Variants in EPHA7 observed in about 807,000 individuals in gnomAD.
EPHA7 encodes ephrin type-A receptor 7.
In EPHA7, 25 loss-of-function variants were observed where a neutral mutation model predicts 112.6. The observed-to-expected ratio is 0.22, with a 90% CI of 0.16 to 0.31. The LOEUF is 0.31. EPHA7 is among the 10% of genes least tolerant of loss of function. The pLI, the probability that EPHA7 is intolerant of heterozygous loss-of-function variation, is 1.00. For missense variants in EPHA7, 962 were observed against 1,212.6 expected, an observed-to-expected ratio of 0.79 and a Z score of 3.07; for synonymous variants, 437 against 406.5, an observed-to-expected ratio of 1.07 and a Z score of -0.90.
intron 3 of EPHA7, among the ~76,000 whole-genome samples, chr6:93,370,892 TC>T (rs1776756700): frequency 6.7e-6 from 1 of 150,354 alleles, no homozygotes; most frequent in Admixed American, 6.7e-5. Context: ...ACGCCTGTAA[TC>T]CCAGCACTTT....
chr6:93,294,714 T>C (rs1020449861), intron 5 of EPHA7, among the ~76,000 whole-genome samples: 2 of 152,126 alleles, frequency 1.3e-5, no homozygotes, highest in Admixed American at 6.6e-5. Context: ...CTAATATATC[T>C]GTTTATTTTT....
At chr6:93,394,603 G>A (rs1017151974) in intron 3 of EPHA7, among the ~76,000 whole-genome samples, 1 of 151,802 alleles carries the variant, frequency 6.6e-6, no homozygotes, top group South Asian at 2.1e-4. Flanking sequence ...TTACTGATGA[G>A]ATGCTGTCTT....
Position 93,410,745 on chromosome 6 carries a change from A to C in EPHA7, c.588T>G (p.Val196=). The change falls in exon 3 of 17, where the codon GTT becomes GTG. Residue 196 remains valine (V), a synonymous_variant. Transcript: ENST00000369303. The surrounding 1 kb of genome is among the most constrained non-coding windows in gnomAD (Gnocchi z 4.0). ...FQDVGACIAL[V]SVKVYYKKCW... Reference sequence around the variant, plus strand: ...ACTTCTTGTAGTACACTTTGACAGAAACCAAAGCTATGCAAGCCCCTACAT... The same window carrying C: ...ACTTCTTGTAGTACACTTTGACAGACACCAAAGCTATGCAAGCCCCTACAT... 1 of 1,614,042 alleles carries C rather than the reference A, an allele frequency of 6.2e-7. No homozygotes were observed. Among genetic ancestry groups the C allele is most frequent in the Non-Finnish European group, 8.5e-7 (1 of 1,179,954 alleles).
rs773655407 is a variant in EPHA7 at position 93,254,795 on chromosome 6, C to T, written c.2384G>A (p.Gly795Asp). The T allele has an allele frequency of 1.2e-6, 2 of 1,609,198 alleles. No individual in the cohort carries two copies. Among genetic ancestry groups the T allele is most frequent in the Non-Finnish European group, 1.7e-6 (2 of 1,177,536 alleles). ...DDPEAVYTTT[G>D]GKIPVRWTAP... is the part of the protein sequence containing the mutation. ...TGTCCACCTTACTGGAATTTTTCCACCCTGTTATAAAAAGAAATGAACATT... is the reference window on the plus strand; with the variant it reads ...TGTCCACCTTACTGGAATTTTTCCATCCTGTTATAAAAAGAAATGAACATT... Residue 795 changes from glycine to aspartate, a missense_variant and splice_region_variant, in exon 14 of 17, where the codon GGT (glycine) becomes GAT (aspartate). Physicochemically the swap from Gly to Asp is moderately conservative, Grantham distance 94. This residue lies in a region of EPHA7 where 746 missense variants were observed against 889.2 expected (regional missense o/e 0.84). Transcript: ENST00000369303.
chr6:93,259,428 G>T lies in EPHA7; in HGVS notation c.1850C>A (p.Pro617Gln), dbSNP rs373264389. ...TYIDPETYEDPNRAVHQFAKE... is the reference protein window; with the variant it reads ...TYIDPETYEDQNRAVHQFAKE... ...GGCGAATTGATGGACAGCTCTATTT[G>T]GGTCCTCATAGGTTTCAGGGTCAAT... Residue 617 changes from proline (P) to glutamine (Q), a missense_variant, in exon 10 of 17, where the codon CCA (proline) becomes CAA (glutamine). Pro to Gln is a moderately conservative substitution (Grantham distance 76). Coordinates refer to ENST00000369303, the MANE Select transcript of EPHA7 (RefSeq NM_004440.4). The T allele has an allele frequency of 1.2e-6, 2 of 1,612,106 alleles. No homozygotes were observed. Among genetic ancestry groups the T allele is most frequent in the South Asian group, 2.2e-5 (2 of 91,052 alleles).
At chr6:93,296,453 AAAT>A (rs1465558554) in intron 5 of EPHA7, among the ~76,000 whole-genome samples, 2 of 136,316 alleles carry the variant, frequency 1.5e-5, no homozygotes, top group Non-Finnish European at 3.1e-5. Flanking sequence ...ATATATATAT[AAAT>A]ATATATATAT....
intron 3 of EPHA7, among the ~76,000 whole-genome samples, chr6:93,406,836 G>A (rs148763220): frequency 0.01 from 1,544 of 151,688 alleles, 22 homozygotes; most frequent in African/African-American, 0.034. Context: ...TAGTCTTCCC[G>A]AAATATTTAC....
intron 11 of EPHA7, 69 bp from the exon 12 acceptor site, chr6:93,257,592 C>T: frequency 1.0e-6 from 1 of 960,598 alleles, no homozygotes. Context: ...TTCTCATCCC[C>T]CAATAAAACA....
chr6:93,314,196 T>G (rs1773680190), intron 5 of EPHA7, among the ~76,000 whole-genome samples: 1 of 152,186 alleles, frequency 6.6e-6, no homozygotes, highest in Admixed American at 6.5e-5. Context: ...AAAATAAATG[T>G]CAAGAAGTTT....
At chr6:93,344,818 C>A (rs906917778) in intron 5 of EPHA7, among the ~76,000 whole-genome samples, 3 of 151,516 alleles carry the variant, frequency 2.0e-5, no homozygotes, top group African/African-American at 2.4e-5. Flanking sequence ...CTGGCCACCC[C>A]TCTTTGGTCT....
intron 12 of EPHA7, 92 bp downstream of exon 12, chr6:93,257,370 G>T: frequency 1.2e-6 from 1 of 859,196 alleles, no homozygotes; most frequent in Non-Finnish European, 1.8e-6. Flanking sequence ...TATTTTACAA[G>T]GCTCTCATTT....
In EPHA7 at chr6:93,243,037, T is replaced by C; in HGVS notation, c.*389A>G. On this transcript the variant is annotated 3_prime_UTR_variant, in exon 17 of 17. Coordinates refer to ENST00000369303, the MANE Select transcript of EPHA7 (RefSeq NM_004440.4). ...AAAAGGAATAGTCTGAAATCACATATTTAAGGAAAATATTTCATTAATTTT... is the reference window on the plus strand; with the variant it reads ...AAAAGGAATAGTCTGAAATCACATACTTAAGGAAAATATTTCATTAATTTT... The C allele has an allele frequency of 4.5e-6, 1 of 224,140 alleles. No individual in the cohort carries two copies. The highest frequency in any genetic ancestry group is 6.6e-5 in the East Asian group (1 of 15,118). 13.9% of individuals were successfully genotyped at this position (224,140 alleles called of 1,614,324 possible).
At chr6:93,264,028 T>C (rs182539073) in intron 8 of EPHA7, 113 bp from the exon 9 acceptor site, 4 of 643,454 alleles carry the variant, frequency 6.2e-6, no homozygotes, top group African/African-American at 1.9e-5. Flanking sequence ...TTACTGTTCA[T>C]AGTTATGAAT....
At chr6:93,284,238 A>G (rs2127827964) in intron 5 of EPHA7, among the ~76,000 whole-genome samples, 1 of 152,240 alleles carries the variant, frequency 6.6e-6, no homozygotes, top group South Asian at 2.1e-4. Context: ...CATATATATC[A>G]AACATAAATT....
intron 6 of EPHA7, among the ~76,000 whole-genome samples, chr6:93,270,441 T>G (rs1350014971): frequency 6.6e-6 from 1 of 151,462 alleles, no homozygotes; most frequent in Non-Finnish European, 1.5e-5. Flanking sequence ...CTCAAGCATA[T>G]AAAAACTCCA....
At chr6:93,348,362 T>C (rs1775508758) in intron 5 of EPHA7, among the ~76,000 whole-genome samples, 1 of 151,790 alleles carries the variant, frequency 6.6e-6, no homozygotes. Flanking sequence ...ATTAAAATAA[T>C]GTATGAAAAG....
At chr6:93,324,055 T>C (rs1774199197) in intron 5 of EPHA7, among the ~76,000 whole-genome samples, 1 of 151,402 alleles carries the variant, frequency 6.6e-6, no homozygotes, top group Non-Finnish European at 1.5e-5. Context: ...ACAGACTCTT[T>C]TGAGCACAAC....
At chr6:93,284,137 A>G (rs553526687) in intron 5 of EPHA7, among the ~76,000 whole-genome samples, 229 of 152,148 alleles carry the variant, frequency 1.5e-3, no homozygotes, top group Admixed American at 3.5e-3. Flanking sequence ...TCAGTACCAT[A>G]GTTGTTTCTA....
chr6:93,358,882 A>C (rs1219203650), intron 3 of EPHA7, among the ~76,000 whole-genome samples: 1 of 152,200 alleles, frequency 6.6e-6, no homozygotes, highest in Non-Finnish European at 1.5e-5. Context: ...TTTAATTACC[A>C]GACTAGAAAT....
Sources: gnomAD v4.1 joint callset for allele counts (sites outside exome capture counted in the v4.1 genomes callset) on GRCh38, gnomAD v4.1.1 for gene constraint, gnomAD v4.1.1 regional missense constraint, Gnocchi (gnomAD v3.1) non-coding constraint, MANE v1.5 for transcripts, NCBI Gene and HGNC (gene_info 2026-07-23, HGNC 2026-07-21) for gene names.